LGR5: variants seen among roughly 807,000 people sequenced by gnomAD.
LGR5 encodes leucine rich repeat containing G protein-coupled receptor 5.
Under a neutral mutation model 76.7 loss-of-function variants are expected in LGR5, and 54 were observed. The ratio of observed to expected loss-of-function variants is 0.70; its 90% CI spans 0.57 to 0.88. The LOEUF (loss-of-function observed/expected upper bound fraction) is 0.88, where lower values mean the gene tolerates loss of function less well. Among genes scored for constraint, LGR5 ranks in the 40% least tolerant of loss-of-function variants. The pLI, the probability that LGR5 is intolerant of heterozygous loss-of-function variation, is 0.00. For synonymous variants in LGR5, 406 were observed against 421.9 expected (o/e 0.96, Z 0.46); for missense variants, 1,078 against 1,073.3 (o/e 1.00, Z -0.06).
intron 2 of LGR5, among the ~76,000 whole-genome samples, chr12:71,505,952 G>T (rs1874835029): frequency 6.6e-6 from 1 of 152,036 alleles, no homozygotes; most frequent in Non-Finnish European, 1.5e-5. Context: ...CTTCATAGGA[G>T]CTGGAACAAT....
chr12:71,445,528 C>A (rs921905587), intron 1 of LGR5, among the ~76,000 whole-genome samples: 3 of 152,108 alleles, frequency 2.0e-5, no homozygotes, highest in African/African-American at 7.2e-5. Context: ...GAACTCTATG[C>A]CAAAAGGAGA....
intron 4 of LGR5, among the ~76,000 whole-genome samples, chr12:71,543,135 G>T (rs913135293): frequency 6.6e-6 from 1 of 151,918 alleles, no homozygotes; most frequent in Admixed American, 6.6e-5. Context: ...GACAAGATCG[G>T]GCACATTCAA....
intron 4 of LGR5, among the ~76,000 whole-genome samples, chr12:71,543,084 G>C (rs1394432756): frequency 6.6e-6 from 1 of 152,116 alleles, no homozygotes; most frequent in Non-Finnish European, 1.5e-5. Context: ...AGACTGAACT[G>C]AAACCTCAAA....
At chr12:71,567,286 G>C in intron 11 of LGR5, 1 of 196,036 alleles carries the variant, frequency 5.1e-6, no homozygotes, top group Admixed American at 5.6e-5. Context: ...CAAAAACTGA[G>C]ATCTCAGATC....
At chr12:71,546,333 T>TATATAG (rs1454158758) in intron 4 of LGR5, among the ~76,000 whole-genome samples, 1 of 151,414 alleles carries the variant, frequency 6.6e-6, no homozygotes, top group East Asian at 1.9e-4. Flanking sequence ...TATATATATA[T>TATATAG]ATTAACTGTT....
In LGR5 at chr12:71,584,089, G is replaced by C. The variant is rs771218284; in HGVS notation, c.2079G>C (p.Leu693Phe). ...VIILLCALLA[L>F]TMAAVPLLGG... ...TTTTGCTCTGTGCCCTGCTGGCCTT[G>C]ACCATGGCCGCAGTTCCCCTGCTGG... Residue 693 changes from leucine (L) to phenylalanine (F), a missense_variant, in exon 18 of 18, where the codon TTG (leucine) becomes TTC (phenylalanine). Leu to Phe is a conservative substitution (Grantham distance 22, BLOSUM62 0). Coordinates refer to ENST00000266674, the MANE Select transcript of LGR5 (RefSeq NM_003667.4). The C allele has an allele frequency of 1.9e-5, 31 of 1,614,060 alleles. No individual in the cohort carries two copies. In the South Asian group the frequency reaches 3.4e-4, roughly 18 times the overall value.
At position 71,572,874 on chromosome 12, in the gene LGR5, C is replaced by T. The variant is rs767555117; in HGVS notation, c.1161C>T (p.Tyr387=). 157 of 1,613,598 alleles carry T rather than the reference C, an allele frequency of 9.7e-5. No homozygotes were observed. Among genetic ancestry groups the T allele is most frequent in the Non-Finnish European group, 1.3e-4 (151 of 1,179,704 alleles). ...GTGACCTAAGACATAATGAAATCTACGAAATTAAAGTTGACACTTTCCAGC... is the reference window on the plus strand; with the variant it reads ...GTGACCTAAGACATAATGAAATCTATGAAATTAAAGTTGACACTTTCCAGC... ...QKIDLRHNEI[Y]EIKVDTFQQL... is the part of the protein sequence containing the mutation. The change falls in exon 13 of 18, where the codon TAC becomes TAT. Residue 387 remains tyrosine (Y), a synonymous_variant. Transcript: ENST00000266674.
chr12:71,539,425 A>G, intron 4 of LGR5, among the ~76,000 whole-genome samples: 1 of 152,074 alleles, frequency 6.6e-6, no homozygotes, highest in East Asian at 1.9e-4. Context: ...TTCCACATAT[A>G]CAAAAGATGT....
intron 1 of LGR5, among the ~76,000 whole-genome samples, chr12:71,469,823 C>G (rs1331428745): frequency 2.0e-5 from 3 of 152,104 alleles, no homozygotes; most frequent in African/African-American, 7.2e-5. Context: ...CACTGCCTCC[C>G]CGCCGCCCCA....
chr12:71,562,223 A>G (rs1293105040), intron 8 of LGR5, among the ~76,000 whole-genome samples: 6 of 152,200 alleles, frequency 3.9e-5, no homozygotes, highest in East Asian at 1.9e-4. Flanking sequence ...AAATTATTAT[A>G]TACAAATGGA....
intron 1 of LGR5, among the ~76,000 whole-genome samples, chr12:71,466,678 T>C (rs1260795740): frequency 6.6e-6 from 1 of 152,138 alleles, no homozygotes; most frequent in Non-Finnish European, 1.5e-5. Flanking sequence ...CCATGTTTTT[T>C]TTTTTATGAG....
chr12:71,517,874 A>G (rs1875521834), intron 2 of LGR5, among the ~76,000 whole-genome samples: 1 of 151,516 alleles, frequency 6.6e-6, no homozygotes, highest in Non-Finnish European at 1.5e-5. Flanking sequence ...TAATGTAACC[A>G]TAAGTATAAA....
intron 2 of LGR5, among the ~76,000 whole-genome samples, chr12:71,506,460 GC>G (rs1393510330): frequency 6.6e-6 from 1 of 151,744 alleles, no homozygotes; most frequent in African/African-American, 2.4e-5. Flanking sequence ...CTGTTCTAAG[GC>G]CAGTTTTTAA....
At chr12:71,521,482 A>G (rs911176408) in intron 2 of LGR5, among the ~76,000 whole-genome samples, 6 of 152,218 alleles carry the variant, frequency 3.9e-5, no homozygotes, top group African/African-American at 1.4e-4. Context: ...TTGTCTCACC[A>G]GTACCACTTC....
chr12:71,486,240 T>G (rs1361216128), intron 1 of LGR5, among the ~76,000 whole-genome samples: 1 of 152,198 alleles, frequency 6.6e-6, no homozygotes, highest in African/African-American at 2.4e-5. Flanking sequence ...ACACAGTTAC[T>G]GGGATATAAA....
intron 4 of LGR5, among the ~76,000 whole-genome samples, chr12:71,552,133 A>G (rs976042924): frequency 1.3e-5 from 2 of 152,128 alleles, no homozygotes; most frequent in East Asian, 1.9e-4. Context: ...TACCTAATGC[A>G]TGTGGGGCTT....
In LGR5 at chr12:71,527,313, C is replaced by T. The variant is rs551387871; in HGVS notation, c.356+2836C>T. 3.3e-5 allele frequency among the ~76,000 whole-genome samples: 5 copies of T among 152,236 alleles called. No homozygotes were observed. In the South Asian group the frequency reaches 1.0e-3, roughly 32 times the overall value. ...TTGTTTGTGCTATGATAACGGAATA[C>T]CGCAAACTGGGTAATTTATAAAGAA... On this transcript the variant is annotated intron_variant, in intron 3 of 17. Coordinates refer to ENST00000266674, the MANE Select transcript of LGR5 (RefSeq NM_003667.4).
chr12:71,524,377 C>G, intron 2 of LGR5, 29 bp from the exon 3 acceptor site: 2 of 1,534,118 alleles, frequency 1.3e-6, no homozygotes, highest in Non-Finnish European at 1.8e-6. Context: ...GGTATGCTCA[C>G]TCTCTCTCCT....
At chr12:71,538,233 C>G (rs1289622703) in intron 4 of LGR5, among the ~76,000 whole-genome samples, 2 of 152,160 alleles carry the variant, frequency 1.3e-5, no homozygotes, top group Admixed American at 1.3e-4. Context: ...GAATCTCTGG[C>G]CAGGTATGGT....
Sources: allele counts gnomAD v4.1 joint callset (sites outside exome capture counted in the v4.1 genomes callset), GRCh38; gene constraint gnomAD v4.1.1; transcripts MANE v1.5; gene names NCBI Gene and HGNC (gene_info 2026-07-23, HGNC 2026-07-21).